Variants in CDC23 observed in about 807,000 individuals in gnomAD.
CDC23 encodes cell division cycle 23.
CDC23 carries 26 observed loss-of-function variants against 81.7 expected under a neutral mutation model. The observed-to-expected ratio is 0.32, with a 90% CI of 0.23 to 0.44. The LOEUF is 0.44. CDC23 is among the 20% of genes least tolerant of loss of function. CDC23 has a pLI of 1.00. For missense variants in CDC23, 519 were observed against 728.0 expected, an observed-to-expected ratio of 0.71 and a Z score of 3.30; for synonymous variants, 267 against 270.8, an observed-to-expected ratio of 0.99 and a Z score of 0.14.
At chr5:138,198,990 AAAGAC>A (rs1444815829) in intron 6 of CDC23, among the ~76,000 whole-genome samples, 1 of 152,218 alleles carries the variant, frequency 6.6e-6, no homozygotes, top group Non-Finnish European at 1.5e-5. Context: ...GCTCCAAAGA[AAAGAC>A]AGGATTTGAG....
At chr5:138,193,482 GCTA>G in intron 9 of CDC23, among the ~76,000 whole-genome samples, 1 of 152,242 alleles carries the variant, frequency 6.6e-6, no homozygotes, top group African/African-American at 2.4e-5. Context: ...TGTAGTCCCA[GCTA>G]CTCAGGAAGC....
At position 138,213,171 on chromosome 5, in the gene CDC23, G is replaced by A; in HGVS notation, c.142C>T (p.Leu48=). Reference sequence around the variant, plus strand: ...TCTCACCATTTGCTACTGTGTAGTAGGCCCCGCTCCCGGGTAAGGCCCGCA... The same window carrying A: ...TCTCACCATTTGCTACTGTGTAGTAAGCCCCGCTCCCGGGTAAGGCCCGCA... ...LIAGLTRERG[L]LHSSKWSAEL... Residue 48 remains leucine, a synonymous_variant, in exon 1 of 16, where the codon CTA becomes TTA. Transcript: ENST00000394886. 3.1e-6 allele frequency: 5 copies of A among 1,614,136 alleles called. No individual in the cohort carries two copies. The highest frequency in any genetic ancestry group is 4.2e-6 in the Non-Finnish European group (5 of 1,180,034).
chr5:138,188,213 C>A lies in CDC23; in HGVS notation c.*765G>T, dbSNP rs2151235044. On this transcript the variant is annotated 3_prime_UTR_variant, in exon 16 of 16. Coordinates refer to ENST00000394886, the MANE Select transcript of CDC23 (RefSeq NM_004661.4). The stretch of plus-strand genomic sequence containing the variant: ...GTCTGTATAATCACCAATGTTATTT[C>A]CAAATGTCCGTGAAATTATCTATAA... 1 of 152,288 alleles carries A rather than the reference C, an allele frequency of 6.6e-6. No individual in the cohort carries two copies. Among genetic ancestry groups the A allele is most frequent in the African/African-American group, 2.4e-5 (1 of 41,566 alleles). 9.4% of individuals were successfully genotyped at this position (152,288 alleles called of 1,614,324 possible). A position where few individuals can be genotyped will look rare whatever the true frequency, so the allele number is the denominator to read the frequency against.
chr5:138,195,312 T>C (rs1754872610), intron 9 of CDC23, among the ~76,000 whole-genome samples: 1 of 150,566 alleles, frequency 6.6e-6, no homozygotes, highest in Non-Finnish European at 1.5e-5. Context: ...ATCTCCTTTA[T>C]GGGCCAGGCG....
At position 138,201,218 on chromosome 5, in the gene CDC23, T is replaced by C; in HGVS notation, c.543A>G (p.Lys181=). 1 of 1,614,162 alleles carries C rather than the reference T, an allele frequency of 6.2e-7. No individual in the cohort carries two copies. The highest frequency in any genetic ancestry group is 8.5e-7 in the Non-Finnish European group (1 of 1,180,034). The change falls in exon 6 of 16, where the codon AAA becomes AAG. Residue 181 remains lysine (K), a synonymous_variant. Transcript: ENST00000394886. ...GLYLYGVVLR[K]LDLVKEAIDV... ...CAATGGCCTCTTTAACCAAGTCCAGTTTTCGAAGCACCACACCATACCTGG... is the reference window on the plus strand; with the variant it reads ...CAATGGCCTCTTTAACCAAGTCCAGCTTTCGAAGCACCACACCATACCTGG...
At chr5:138,201,594 G>T in intron 4 of CDC23, 146 bp from the exon 5 acceptor site, 2 of 600,752 alleles carry the variant, frequency 3.3e-6, no homozygotes, top group Non-Finnish European at 5.6e-6. Context: ...TGATCCTTCC[G>T]CCTCAGACTC....
intron 4 of CDC23, 70 bp from the exon 5 acceptor site, chr5:138,201,518 A>G: frequency 9.0e-7 from 1 of 1,108,628 alleles, no homozygotes; most frequent in Non-Finnish European, 1.3e-6. Flanking sequence ...TTATTTATTT[A>G]TTTATTTTTC....
intron 9 of CDC23, among the ~76,000 whole-genome samples, chr5:138,195,585 TATATA>T (rs1476713900): frequency 0.017 from 1,019 of 60,888 alleles, 11 homozygotes; most frequent in African/African-American, 0.033. Context: ...TAATATATTA[TATATA>T]ATATATATTA....
chr5:138,188,112 C>A lies in CDC23; in HGVS notation c.*866G>T, dbSNP rs1561631777. The A allele has an allele frequency of 2.0e-5, 3 of 152,056 alleles. No homozygotes were observed. Among genetic ancestry groups the A allele is most frequent in the Non-Finnish European group, 4.4e-5 (3 of 68,028 alleles). The allele number at this position is 152,056 out of a possible 1,614,324, so 9.4% of individuals were successfully genotyped here. ...AGGCTGAAAAAAATGTATTCTGTTG[C>A]AGATGGGAGGGAAAAAAATAGACAA... On this transcript the variant is annotated 3_prime_UTR_variant, in exon 16 of 16. Transcript: ENST00000394886.
At chr5:138,207,491 A>G (rs1437770358) in intron 2 of CDC23, among the ~76,000 whole-genome samples, 1 of 152,210 alleles carries the variant, frequency 6.6e-6, no homozygotes, top group African/African-American at 2.4e-5. Flanking sequence ...TAATACTGGC[A>G]TTCTATTCCT....
chr5:138,190,965 T>C (rs1754820726), intron 13 of CDC23, among the ~76,000 whole-genome samples: 1 of 152,190 alleles, frequency 6.6e-6, no homozygotes, highest in Non-Finnish European at 1.5e-5. Context: ...TGCCTACTAT[T>C]TGAGTTATTC....
At chr5:138,202,281 T>C in intron 3 of CDC23, 126 bp from the exon 4 acceptor site, 1 of 627,446 alleles carries the variant, frequency 1.6e-6, no homozygotes, top group Non-Finnish European at 2.8e-6. Context: ...TGGTCATTAT[T>C]TATTTATTTA....
At chr5:138,208,248 G>C (rs1010108551) in intron 2 of CDC23, among the ~76,000 whole-genome samples, 8 of 152,122 alleles carry the variant, frequency 5.3e-5, no homozygotes, top group Non-Finnish European at 1.2e-4. Flanking sequence ...AGCCACCACC[G>C]GCCCAATCCT....
intron 9 of CDC23, among the ~76,000 whole-genome samples, chr5:138,195,790 T>A (rs1243295437): frequency 1.4e-4 from 13 of 93,658 alleles, no homozygotes; most frequent in Admixed American, 2.7e-4. Flanking sequence ...ATACATATAT[T>A]TTATATATGT....
At chr5:138,194,379 G>A (rs1754860155) in intron 9 of CDC23, among the ~76,000 whole-genome samples, 2 of 152,064 alleles carry the variant, frequency 1.3e-5, no homozygotes, top group African/African-American at 2.4e-5. Flanking sequence ...AGGAATTCAC[G>A]CCACTGCACT....
At position 138,213,083 on chromosome 5, in the gene CDC23, T is replaced by A; in HGVS notation, c.162-20A>T. On this transcript the variant is annotated intron_variant, in intron 1 of 15. Transcript: ENST00000394886. ...GCCGACCTGGAACACCCACACAAAC[T>A]AGATCAGCTCGACAAGCCCCCCAAG... 1 of 1,613,914 alleles carries A rather than the reference T, an allele frequency of 6.2e-7. No homozygotes were observed. The highest frequency in any genetic ancestry group is 8.5e-7 in the Non-Finnish European group (1 of 1,179,958).
intron 2 of CDC23, among the ~76,000 whole-genome samples, chr5:138,206,988 T>G (rs1275360920): frequency 6.6e-6 from 1 of 151,492 alleles, no homozygotes; most frequent in Non-Finnish European, 1.5e-5. Flanking sequence ...CAAGCGATTA[T>G]TGTGCCTCAG....
chr5:138,192,859 A>G (rs1261400090), intron 9 of CDC23, among the ~76,000 whole-genome samples: 1 of 152,188 alleles, frequency 6.6e-6, no homozygotes, highest in African/African-American at 2.4e-5. Context: ...TAAAAAAAAA[A>G]GTATTCTTAA....
intron 2 of CDC23, among the ~76,000 whole-genome samples, chr5:138,210,281 C>T (rs1026622510): frequency 3.3e-5 from 5 of 151,336 alleles, no homozygotes; most frequent in African/African-American, 1.2e-4. Context: ...ACCCCAGCAC[C>T]CTGGGATGCC....
Sources: gnomAD v4.1 joint callset for allele counts (sites outside exome capture counted in the v4.1 genomes callset) on GRCh38, gnomAD v4.1.1 for gene constraint, MANE v1.5 for transcripts, NCBI Gene and HGNC (gene_info 2026-07-23, HGNC 2026-07-21) for gene names.